OSBP2: variants seen among roughly 807,000 people sequenced by gnomAD.
OSBP2 encodes oxysterol binding protein 2, also known as oxysterol-binding protein 2.
A neutral mutation model predicts 96.0 loss-of-function variants in OSBP2; 66 were observed. The observed-to-expected ratio is 0.69, with a 90% CI of 0.56 to 0.84. The LOEUF is 0.84. Among genes scored for constraint, OSBP2 ranks in the 40% least tolerant of loss-of-function variants. OSBP2 has a pLI of 0.00. For synonymous variants in OSBP2, 525 were observed against 520.9 expected, an observed-to-expected ratio of 1.01 and a Z score of -0.11; for missense variants, 1,038 against 1,222.7, an observed-to-expected ratio of 0.85 and a Z score of 2.25.
At chr22:30,887,665 T>C in intron 4 of OSBP2, 47 bp downstream of exon 4, 1 of 1,474,716 alleles carries the variant, frequency 6.8e-7, no homozygotes, top group Non-Finnish European at 9.2e-7. Context: ...TTCTGCCAGC[T>C]GGCTCTGCAT....
At chr22:30,719,134 C>T (rs2089506766) in intron 1 of OSBP2, among the ~76,000 whole-genome samples, 1 of 152,048 alleles carries the variant, frequency 6.6e-6, no homozygotes, top group Admixed American at 6.6e-5. Flanking sequence ...CCAGCCTGTA[C>T]TTACCTGAGT....
At chr22:30,795,720 T>C (rs773796219) in intron 2 of OSBP2, among the ~76,000 whole-genome samples, 20 of 152,134 alleles carry the variant, frequency 1.3e-4, no homozygotes, top group Non-Finnish European at 2.6e-4. Flanking sequence ...GGTTTCTCCA[T>C]GTTGGTCAGG....
At chr22:30,739,007 T>C (rs2089896345) in intron 1 of OSBP2, among the ~76,000 whole-genome samples, 2 of 152,204 alleles carry the variant, frequency 1.3e-5, no homozygotes. Context: ...TCACTGGCAG[T>C]ATTAAATGCT....
In OSBP2 at chr22:30,771,455, G is replaced by A. The variant is rs116389010; in HGVS notation, c.853+30086G>A. 6.0e-3 allele frequency among the ~76,000 whole-genome samples: 915 copies of A among 152,344 alleles called. 8 individuals are homozygous for A. The highest frequency in any genetic ancestry group is 0.021 in the African/African-American group (863 of 41,560). On this transcript the variant is annotated intron_variant, in intron 2 of 13. Transcript: ENST00000332585. ...GGAAGGGCTGAGTCCAGTGGAGGCTGGCTCTTGGCAGCACAGTGGCGGCCC... is the reference window on the plus strand; with the variant it reads ...GGAAGGGCTGAGTCCAGTGGAGGCTAGCTCTTGGCAGCACAGTGGCGGCCC...
chr22:30,737,963 C>T (rs928534725), intron 1 of OSBP2, among the ~76,000 whole-genome samples: 7 of 152,042 alleles, frequency 4.6e-5, no homozygotes, highest in Admixed American at 3.9e-4. Context: ...CCACCCGGCT[C>T]GGCCTCCCAA....
chr22:30,788,575 T>G (rs1473739168), intron 2 of OSBP2, among the ~76,000 whole-genome samples: 2 of 152,174 alleles, frequency 1.3e-5, no homozygotes, highest in African/African-American at 2.4e-5. Context: ...CTCCCACAAT[T>G]ACATGTGTCC....
chr22:30,742,467 T>C (rs1023126820), intron 2 of OSBP2, among the ~76,000 whole-genome samples: 5 of 152,100 alleles, frequency 3.3e-5, no homozygotes, highest in Admixed American at 3.3e-4. Flanking sequence ...TTCTAAATCC[T>C]ACACAGTGAG....
chr22:30,887,690 C>A, intron 4 of OSBP2, 72 bp downstream of exon 4: 1 of 1,281,822 alleles, frequency 7.8e-7, no homozygotes, highest in Non-Finnish European at 1.1e-6. Context: ...AACTTCTGCG[C>A]CCCCACATGC....
At chr22:30,784,976 G>A (rs957951789) in intron 2 of OSBP2, among the ~76,000 whole-genome samples, 1 of 151,970 alleles carries the variant, frequency 6.6e-6, no homozygotes, top group Non-Finnish European at 1.5e-5. Context: ...GTTTCACCAC[G>A]TAGGCCAGGC....
chr22:30,737,815 C>T (rs112266624), intron 1 of OSBP2, among the ~76,000 whole-genome samples: 2 of 151,640 alleles, frequency 1.3e-5, no homozygotes, highest in South Asian at 2.1e-4. Context: ...AGGATTCAAG[C>T]GATTGTCCTG....
intron 12 of OSBP2, among the ~76,000 whole-genome samples, chr22:30,902,994 C>T (rs773392441): frequency 5.3e-5 from 8 of 152,090 alleles, no homozygotes; most frequent in South Asian, 2.1e-4. Flanking sequence ...CCTGTTTGTG[C>T]GTTTTTTTCT....
At chr22:30,809,915 G>T (rs1025920318) in intron 2 of OSBP2, among the ~76,000 whole-genome samples, 2 of 152,186 alleles carry the variant, frequency 1.3e-5, no homozygotes, top group Non-Finnish European at 2.9e-5. Context: ...TGACCCTCAG[G>T]TCTCTGGCTG....
intron 1 of OSBP2, among the ~76,000 whole-genome samples, chr22:30,705,741 A>G (rs1379259203): frequency 6.6e-6 from 1 of 152,174 alleles, no homozygotes; most frequent in Admixed American, 6.6e-5. Context: ...GTGAGCCTGC[A>G]CTAGCTTTGG....
intron 1 of OSBP2, among the ~76,000 whole-genome samples, chr22:30,722,845 C>T (rs1308756392): frequency 1.4e-5 from 2 of 140,956 alleles, no homozygotes; most frequent in East Asian, 2.1e-4. Context: ...AGTGCAGTGG[C>T]GTGATCACAG....
chr22:30,776,122 T>C (rs2090432641), intron 2 of OSBP2, among the ~76,000 whole-genome samples: 1 of 151,418 alleles, frequency 6.6e-6, no homozygotes, highest in African/African-American at 2.4e-5. Flanking sequence ...TTTCTTTTTT[T>C]TTTTTTTATT....
At chr22:30,812,545 T>C (rs2091023632) in intron 2 of OSBP2, among the ~76,000 whole-genome samples, 1 of 152,254 alleles carries the variant, frequency 6.6e-6, no homozygotes, top group East Asian at 1.9e-4. Context: ...AACAATAGAT[T>C]CTTCACATGT....
chr22:30,722,623 TTTTC>T (rs1438085789), intron 1 of OSBP2, among the ~76,000 whole-genome samples: 1 of 151,602 alleles, frequency 6.6e-6, no homozygotes, highest in Non-Finnish European at 1.5e-5. Flanking sequence ...CTTTTCTCTT[TTTTC>T]TTTCTTTCTC....
intron 2 of OSBP2, among the ~76,000 whole-genome samples, chr22:30,773,560 C>T (rs1004187898): frequency 2.0e-5 from 3 of 152,184 alleles, no homozygotes; most frequent in Non-Finnish European, 4.4e-5. Context: ...TGCCCAGTGC[C>T]TACCACCCTG....
At chr22:30,730,799 TATATA>T (rs1486656105) in intron 1 of OSBP2, among the ~76,000 whole-genome samples, 2 of 56,650 alleles carry the variant, frequency 3.5e-5, no homozygotes, top group African/African-American at 1.8e-4. Context: ...TATATATATA[TATATA>T]TATAATTTTT....
Sources: allele counts gnomAD v4.1 joint callset (sites outside exome capture counted in the v4.1 genomes callset), GRCh38; gene constraint gnomAD v4.1.1; transcripts MANE v1.5; gene names NCBI Gene and HGNC (gene_info 2026-07-23, HGNC 2026-07-21).